The following ANKFY1 variants were observed in gnomAD, a reference collection of about 807,000 sequenced individuals.
ANKFY1 encodes the protein ankyrin repeat and FYVE domain-containing protein 1.
ANKFY1 carries 47 observed loss-of-function variants against 128.3 expected under a neutral mutation model. That is an observed-to-expected ratio of 0.37 (90% confidence interval 0.29 to 0.47). ANKFY1 has a LOEUF of 0.47. Among genes scored for constraint, ANKFY1 ranks in the 20% least tolerant of loss-of-function variants. The probability of loss-of-function intolerance (pLI) is 1.00; values close to 1 mark genes in which losing one functional copy is unlikely to be tolerated. For synonymous variants in ANKFY1, 553 were observed against 601.6 expected, an observed-to-expected ratio of 0.92 and a Z score of 1.18; for missense variants, 1,222 against 1,510.6, an observed-to-expected ratio of 0.81 and a Z score of 3.17.
At chr17:4,211,876 ACT>A (rs2060137267) in intron 4 of ANKFY1, among the ~76,000 whole-genome samples, 1 of 148,644 alleles carries the variant, frequency 6.7e-6, no homozygotes, top group East Asian at 2.0e-4. Flanking sequence ...ACAGACAGAG[ACT>A]CTGTCTCAAA....
At chr17:4,173,771 A>C in intron 20 of ANKFY1, 138 bp downstream of exon 20, 1 of 1,212,834 alleles carries the variant, frequency 8.2e-7, no homozygotes, top group Non-Finnish European at 1.2e-6. Flanking sequence ...TGGATGCTCT[A>C]CCCAGAGCAC....
chr17:4,229,517 A>G (rs2060479562), intron 3 of ANKFY1, among the ~76,000 whole-genome samples: 1 of 152,218 alleles, frequency 6.6e-6, no homozygotes, highest in Non-Finnish European at 1.5e-5. Flanking sequence ...TAATACAGAT[A>G]AAAAGAAATT....
intron 3 of ANKFY1, among the ~76,000 whole-genome samples, chr17:4,219,417 A>T (rs1227563934): frequency 6.6e-6 from 1 of 152,232 alleles, no homozygotes; most frequent in Non-Finnish European, 1.5e-5. Context: ...ATGAGAAACC[A>T]GAGATGGGGC....
At chr17:4,262,695 C>T (rs1424538650) in intron 1 of ANKFY1, among the ~76,000 whole-genome samples, 4 of 152,082 alleles carry the variant, frequency 2.6e-5, no homozygotes, top group Non-Finnish European at 5.9e-5. Context: ...TACAGTGAGC[C>T]GTGACCGCGC....
intron 1 of ANKFY1, 198 bp downstream of exon 1, chr17:4,263,734 G>C (rs1968552036): frequency 4.7e-6 from 7 of 1,484,348 alleles, no homozygotes; most frequent in Non-Finnish European, 6.2e-6. Context: ...TCGGCATCGC[G>C]GGAGGGACGT....
chr17:4,187,375 G>A (rs979989656), intron 11 of ANKFY1: 16 of 398,062 alleles, frequency 4.0e-5, no homozygotes, highest in African/African-American at 4.1e-5. Flanking sequence ...GCTCCAGCCT[G>A]GACTCCACGG....
chr17:4,240,037 A>G (rs935220931), intron 2 of ANKFY1, among the ~76,000 whole-genome samples: 25 of 148,874 alleles, frequency 1.7e-4, no homozygotes, highest in African/African-American at 6.2e-4. Context: ...TTCTCTTTAC[A>G]ATTTCACCTA....
intron 7 of ANKFY1, among the ~76,000 whole-genome samples, chr17:4,198,667 C>T (rs533734600): frequency 3.9e-5 from 6 of 152,056 alleles, no homozygotes; most frequent in East Asian, 1.9e-4. Context: ...CCACCGTGCC[C>T]GGCCTCTTTT....
Position 4,185,269 on chromosome 17 carries a change from G to A in ANKFY1, c.1471-223C>T, listed in dbSNP as rs184817203. 1.8e-4 allele frequency among the ~76,000 whole-genome samples: 28 copies of A among 152,154 alleles called. 1 individual carries two copies. The East Asian group carries it at 3.5e-3, about 19-fold the overall frequency. On this transcript the variant is annotated intron_variant, in intron 11 of 24. Transcript: ENST00000341657. ...CACCCAGGCTGGAGTGCAGTGTCAA[G>A]ATCTCGGCTCACTGCAACCTTTGCC...
chr17:4,177,037 G>A (rs879252030), intron 19 of ANKFY1, 89 bp downstream of exon 19: 53 of 1,326,352 alleles, frequency 4.0e-5, no homozygotes, highest in African/African-American at 1.1e-4. Flanking sequence ...TCACAACACC[G>A]GGCAAAGCAC....
chr17:4,257,995 A>G (rs1011039729), intron 1 of ANKFY1, among the ~76,000 whole-genome samples: 1 of 152,258 alleles, frequency 6.6e-6, no homozygotes, highest in African/African-American at 2.4e-5. Context: ...TGTGTATCTC[A>G]GCACAATTCA....
At chr17:4,217,249 C>A (rs1371319867) in intron 3 of ANKFY1, 131 bp from the exon 4 acceptor site, 2 of 1,051,550 alleles carry the variant, frequency 1.9e-6, no homozygotes, top group Non-Finnish European at 2.7e-6. Context: ...ATTACACAGT[C>A]ATTAAAAATG....
At chr17:4,171,455 G>T (rs958625316) in intron 22 of ANKFY1, among the ~76,000 whole-genome samples, 2 of 152,152 alleles carry the variant, frequency 1.3e-5, no homozygotes, top group Non-Finnish European at 2.9e-5. Flanking sequence ...CAGATGCCGG[G>T]TTTCTTTCAT....
intron 3 of ANKFY1, among the ~76,000 whole-genome samples, chr17:4,233,343 A>G (rs1298450734): frequency 6.6e-6 from 1 of 152,122 alleles, no homozygotes; most frequent in Non-Finnish European, 1.5e-5. Context: ...GGTCAAAGAT[A>G]CATGGTTTCA....
At chr17:4,214,399 G>A (rs75476956) in intron 4 of ANKFY1, among the ~76,000 whole-genome samples, 16 of 151,932 alleles carry the variant, frequency 1.1e-4, no homozygotes, top group Non-Finnish European at 7.4e-5. Context: ...TAAGATTCTC[G>A]GTTCCTATAT....
intron 1 of ANKFY1, 94 bp from the exon 2 acceptor site, chr17:4,242,542 A>C: frequency 8.9e-7 from 1 of 1,117,892 alleles, no homozygotes; most frequent in African/African-American, 1.6e-5. Context: ...AAGCTCCCAA[A>C]GTGACTGGCC....
In ANKFY1 at chr17:4,169,895, C is replaced by T. The variant is rs943764125; in HGVS notation, c.3287-607G>A. The stretch of plus-strand genomic sequence containing the variant: ...GGCTGAACTCTCACTCTATCCCAGG[C>T]ACTGTCTGACTGCTCTACATAGACA... On this transcript the variant is annotated intron_variant, in intron 23 of 24. Coordinates refer to ENST00000341657, the MANE Select transcript of ANKFY1 (RefSeq NM_001330063.2). The surrounding 1 kb of genome is among the most constrained non-coding windows in gnomAD (Gnocchi z 5.0). Among the ~76,000 whole-genome samples the T allele has an allele frequency of 6.6e-6, 1 of 152,220 alleles. No individual in the cohort carries two copies. Among genetic ancestry groups the T allele is most frequent in the South Asian group, 2.1e-4 (1 of 4,834 alleles).
At chr17:4,234,659 C>A (rs1966861533) in intron 3 of ANKFY1, among the ~76,000 whole-genome samples, 1 of 152,046 alleles carries the variant, frequency 6.6e-6, no homozygotes. Context: ...ACTACAAGCA[C>A]ATGCCATCCT....
chr17:4,198,698 A>G (rs2059873069), intron 7 of ANKFY1, among the ~76,000 whole-genome samples: 1 of 152,144 alleles, frequency 6.6e-6, no homozygotes, highest in African/African-American at 2.4e-5. Context: ...ATCTCATTAT[A>G]TACACATAAC....
Sources: gnomAD v4.1 joint callset for allele counts (sites outside exome capture counted in the v4.1 genomes callset) on GRCh38, gnomAD v4.1.1 for gene constraint, Gnocchi (gnomAD v3.1) non-coding constraint, MANE v1.5 for transcripts, NCBI Gene and HGNC (gene_info 2026-07-23, HGNC 2026-07-21) for gene names.